Variants in SLC12A8 observed in about 807,000 individuals in gnomAD.
SLC12A8 encodes solute carrier family 12 member 8, also known as cation-chloride cotransporter 9.
Under a neutral mutation model 75.6 loss-of-function variants are expected in SLC12A8, and 69 were observed. The observed-to-expected ratio is 0.91, with a 90% CI of 0.75 to 1.11. SLC12A8 has a LOEUF of 1.11. SLC12A8 is among the 50% of genes most tolerant of loss of function. The pLI is 0.00. For missense variants in SLC12A8, 877 were observed against 896.7 expected (o/e 0.98, Z 0.28); for synonymous variants, 365 against 372.8 (o/e 0.98, Z 0.24).
intron 4 of SLC12A8, among the ~76,000 whole-genome samples, chr3:125,179,714 A>C (rs1934610982): frequency 9.7e-6 from 1 of 102,894 alleles, no homozygotes; most frequent in African/African-American, 3.0e-5. Context: ...TGAGAGAGAG[A>C]GAGAGAGAGA....
At chr3:125,173,956 G>C (rs1338125144) in intron 5 of SLC12A8, among the ~76,000 whole-genome samples, 1 of 151,110 alleles carries the variant, frequency 6.6e-6, no homozygotes, top group Non-Finnish European at 1.5e-5. Context: ...GTCGGGCGTG[G>C]TGGTGCATGC....
At chr3:125,151,354 A>G (rs905372472) in intron 5 of SLC12A8, 4 of 154,206 alleles carry the variant, frequency 2.6e-5, no homozygotes, top group African/African-American at 9.6e-5. Flanking sequence ...GTGACATAAA[A>G]ATGGTTGAGA....
At chr3:125,196,420 G>A (rs973691513) in intron 2 of SLC12A8, among the ~76,000 whole-genome samples, 3 of 152,294 alleles carry the variant, frequency 2.0e-5, no homozygotes, top group Admixed American at 2.0e-4. Context: ...TCTGCTTTCT[G>A]TGAATTATAA....
intron 1 of SLC12A8, among the ~76,000 whole-genome samples, chr3:125,212,022 T>A (rs1334024584): frequency 6.6e-6 from 1 of 151,942 alleles, no homozygotes; most frequent in Non-Finnish European, 1.5e-5. Flanking sequence ...GTTTGTCCCC[T>A]TGATCTGTGT....
chr3:125,091,930 C>T (rs969252111), intron 11 of SLC12A8, among the ~76,000 whole-genome samples, 171 bp downstream of exon 11: 1 of 152,136 alleles, frequency 6.6e-6, no homozygotes. Context: ...AATAAGCAGT[C>T]ATTAAATGTA....
intron 10 of SLC12A8, among the ~76,000 whole-genome samples, chr3:125,096,163 C>A (rs1365558620): frequency 6.6e-6 from 1 of 152,174 alleles, no homozygotes; most frequent in Non-Finnish European, 1.5e-5. Context: ...AGGTCCTCTA[C>A]CTGGAACTCT....
intron 10 of SLC12A8, among the ~76,000 whole-genome samples, chr3:125,092,879 T>C (rs769435365): frequency 6.6e-6 from 1 of 152,180 alleles, no homozygotes; most frequent in Non-Finnish European, 1.5e-5. Flanking sequence ...AATTTAAAAA[T>C]AATAATAATT....
intron 6 of SLC12A8, among the ~76,000 whole-genome samples, chr3:125,132,623 A>T (rs1933389726): frequency 1.3e-5 from 2 of 152,298 alleles, no homozygotes; most frequent in Admixed American, 1.3e-4. Flanking sequence ...GGTAGGTGAG[A>T]TGGGTTTGGT....
intron 6 of SLC12A8, among the ~76,000 whole-genome samples, chr3:125,124,775 C>A (rs1047075722): frequency 6.6e-6 from 1 of 152,190 alleles, no homozygotes; most frequent in African/African-American, 2.4e-5. Context: ...ATTATTTTGA[C>A]TTAGTATTTT....
chr3:125,086,377 A>G (rs758083960), intron 13 of SLC12A8, among the ~76,000 whole-genome samples: 4 of 152,076 alleles, frequency 2.6e-5, no homozygotes, highest in Non-Finnish European at 5.9e-5. Context: ...TCTAAGAATA[A>G]TCTCCCCCTA....
intron 8 of SLC12A8, among the ~76,000 whole-genome samples, chr3:125,116,133 G>A (rs1374978155): frequency 2.6e-5 from 4 of 152,226 alleles, no homozygotes; most frequent in Non-Finnish European, 5.9e-5. Flanking sequence ...CAGAAAAGGT[G>A]TGGGAGGAAA....
At chr3:125,192,953 G>A (rs1269757231) in intron 2 of SLC12A8, among the ~76,000 whole-genome samples, 3 of 152,188 alleles carry the variant, frequency 2.0e-5, no homozygotes, top group Non-Finnish European at 4.4e-5. Context: ...GGAAAAGGAC[G>A]AAACCAAAAC....
chr3:125,185,491 CA>C (rs947300098), intron 4 of SLC12A8, among the ~76,000 whole-genome samples: 4 of 151,414 alleles, frequency 2.6e-5, no homozygotes, highest in Non-Finnish European at 4.4e-5. Context: ...AACTTTCTAT[CA>C]AAAAAAACCC....
At chr3:125,136,227 CT>C (rs1415969221) in intron 5 of SLC12A8, among the ~76,000 whole-genome samples, 34 of 152,318 alleles carry the variant, frequency 2.2e-4, no homozygotes, top group African/African-American at 8.2e-4. Flanking sequence ...CCTCCACAAC[CT>C]GGCAACAGCC....
At position 125,158,274 on chromosome 3, in the gene SLC12A8, G is replaced by A. The variant is rs1221663597; in HGVS notation, c.622+19469C>T. On this transcript the variant is annotated intron_variant, in intron 5 of 13. Transcript: ENST00000469902. Reference sequence around the variant, plus strand: ...CTCGCTCTGTCACCCAGGCTGCAGTGCAGTGGCGCGATCTTGGCTCATTAC... The same window carrying A: ...CTCGCTCTGTCACCCAGGCTGCAGTACAGTGGCGCGATCTTGGCTCATTAC... Among the ~76,000 whole-genome samples the A allele has an allele frequency of 2.0e-5, 3 of 151,466 alleles. No individual in the cohort carries two copies. In the East Asian group the frequency reaches 5.8e-4, roughly 29 times the overall value.
chr3:125,183,961 A>AC (rs1934719772), intron 4 of SLC12A8, among the ~76,000 whole-genome samples: 3 of 146,078 alleles, frequency 2.1e-5, no homozygotes, highest in African/African-American at 7.8e-5. Context: ...CTTTTGTTTT[A>AC]CTTTTTATTA....
rs941907593 is a variant in SLC12A8, at chr3:125,117,414, C to T, written c.912+1355G>A. On this transcript the variant is annotated intron_variant, in intron 8 of 13. Coordinates refer to ENST00000469902, the MANE Select transcript of SLC12A8 (RefSeq NM_024628.6). ...CCAGCCTGAGCAACATGGCGAAACCCCGTCTCTACAAAAAATTGAAAAAAA... is the reference window on the plus strand; with the variant it reads ...CCAGCCTGAGCAACATGGCGAAACCTCGTCTCTACAAAAAATTGAAAAAAA... 2.3e-4 allele frequency among the ~76,000 whole-genome samples: 33 copies of T among 141,012 alleles called. 1 individual carries two copies. 92.5% of individuals were successfully genotyped at this position (141,012 alleles called of 152,430 possible). A position where few individuals can be genotyped will look rare whatever the true frequency, so the allele number is the denominator to read the frequency against.
At chr3:125,108,932 G>T (rs957642038) in intron 9 of SLC12A8, among the ~76,000 whole-genome samples, 1 of 152,126 alleles carries the variant, frequency 6.6e-6, no homozygotes, top group Non-Finnish European at 1.5e-5. Context: ...TAATGGAGGT[G>T]GGTATGGTGA....
At chr3:125,195,429 A>G (rs1327175900) in intron 2 of SLC12A8, among the ~76,000 whole-genome samples, 1 of 152,184 alleles carries the variant, frequency 6.6e-6, no homozygotes, top group Admixed American at 6.5e-5. Context: ...TGGAGCCGTC[A>G]AAGTCTGATT....
Sources: allele counts gnomAD v4.1 joint callset (sites outside exome capture counted in the v4.1 genomes callset), GRCh38; gene constraint gnomAD v4.1.1; transcripts MANE v1.5; gene names NCBI Gene and HGNC (gene_info 2026-07-23, HGNC 2026-07-21).